ARB2A: variants seen among roughly 807,000 people sequenced by gnomAD.
ARB2A encodes the protein cotranscriptional regulator ARB2A.
At chr5:93,925,332 G>C in the ARB2A span, among the ~76,000 whole-genome samples, 1 of 152,112 alleles carries the variant, frequency 6.6e-6, no homozygotes, top group African/African-American at 2.4e-5. Flanking sequence ...AGATTCTTGA[G>C]AATGAGAAAC....
At chr5:93,757,943 T>A in the ARB2A span, among the ~76,000 whole-genome samples, 2 of 152,108 alleles carry the variant, frequency 1.3e-5, no homozygotes, top group Non-Finnish European at 2.9e-5. Flanking sequence ...ACTTAAAAAA[T>A]ACAGAACCTC....
At chr5:93,973,207 C>A in the ARB2A span, among the ~76,000 whole-genome samples, 1 of 151,884 alleles carries the variant, frequency 6.6e-6, no homozygotes, top group Non-Finnish European at 1.5e-5. Flanking sequence ...CCAACTTGGC[C>A]TCCCAGTAGT....
chr5:93,857,518 A>G, the ARB2A span, among the ~76,000 whole-genome samples: 4 of 152,042 alleles, frequency 2.6e-5, no homozygotes, highest in African/African-American at 9.7e-5. Context: ...CCTCGCTGTC[A>G]CTTTCCAGTT....
At chr5:93,642,259 G>T in the ARB2A span, among the ~76,000 whole-genome samples, 1 of 151,356 alleles carries the variant, frequency 6.6e-6, no homozygotes, top group African/African-American at 2.4e-5. Context: ...GGAGTGCAGT[G>T]ACACTATCAT....
At chr5:93,920,466 A>G in the ARB2A span, among the ~76,000 whole-genome samples, 1 of 152,148 alleles carries the variant, frequency 6.6e-6, no homozygotes, top group Non-Finnish European at 1.5e-5. Context: ...GAATAAATAT[A>G]TTCAAAAAAT....
the ARB2A span, among the ~76,000 whole-genome samples, chr5:94,082,130 C>G: frequency 2.0e-5 from 3 of 152,184 alleles, no homozygotes; most frequent in African/African-American, 7.2e-5. Context: ...CTAGCTTGTT[C>G]TAGTTCTCTG....
chr5:93,633,059 G>A, the ARB2A span, among the ~76,000 whole-genome samples: 1 of 152,142 alleles, frequency 6.6e-6, no homozygotes, highest in Non-Finnish European at 1.5e-5. Flanking sequence ...CTTCTACTGA[G>A]TTCTTCACTT....
chr5:94,011,765 T>C, the ARB2A span, among the ~76,000 whole-genome samples: 1 of 151,580 alleles, frequency 6.6e-6, no homozygotes, highest in African/African-American at 2.4e-5. Context: ...TGAAGACGTC[T>C]AGTCCAGAGC....
the ARB2A span, among the ~76,000 whole-genome samples, chr5:93,664,349 G>C: frequency 1.3e-5 from 2 of 152,032 alleles, no homozygotes; most frequent in Non-Finnish European, 2.9e-5. Context: ...CCAAAATGCT[G>C]ACATTATAGG....
chr5:94,069,279 A>C, the ARB2A span, among the ~76,000 whole-genome samples: 2 of 152,228 alleles, frequency 1.3e-5, no homozygotes, highest in African/African-American at 4.8e-5. Context: ...CATCTATAAA[A>C]ATCAACTCAA....
At chr5:93,963,728 A>G in the ARB2A span, among the ~76,000 whole-genome samples, 1 of 152,068 alleles carries the variant, frequency 6.6e-6, no homozygotes, top group African/African-American at 2.4e-5. Context: ...CTTATATATC[A>G]TAAAATCATA....
the ARB2A span, among the ~76,000 whole-genome samples, chr5:93,653,351 A>G: frequency 2.0e-5 from 3 of 151,166 alleles, no homozygotes; most frequent in Non-Finnish European, 2.9e-5. Context: ...TACTAAAAAT[A>G]CAAAAAAAAA....
chr5:94,042,754 G>C, the ARB2A span, among the ~76,000 whole-genome samples: 185 of 152,138 alleles, frequency 1.2e-3, no homozygotes, highest in African/African-American at 4.4e-3. Context: ...CTAATTCCAA[G>C]GTAAAATTTG....
chr5:93,746,611 G>A, the ARB2A span, among the ~76,000 whole-genome samples: 1 of 152,106 alleles, frequency 6.6e-6, no homozygotes, highest in African/African-American at 2.4e-5. Flanking sequence ...AAATGCTCAT[G>A]ACACAAATAT....
At chr5:93,811,825 C>T in the ARB2A span, among the ~76,000 whole-genome samples, 1 of 152,134 alleles carries the variant, frequency 6.6e-6, no homozygotes, top group Admixed American at 6.5e-5. Context: ...AAGGATGATG[C>T]CACTGCCTTC....
the ARB2A span, among the ~76,000 whole-genome samples, chr5:93,943,744 G>A: frequency 6.6e-6 from 1 of 152,010 alleles, no homozygotes; most frequent in Non-Finnish European, 1.5e-5. Context: ...GTTTATTACT[G>A]AAATTACTGA....
chr5:94,015,963 G>A, the ARB2A span, among the ~76,000 whole-genome samples: 1 of 152,018 alleles, frequency 6.6e-6, no homozygotes, highest in Non-Finnish European at 1.5e-5. Context: ...TGAATGTAAC[G>A]AACACAATTC....
the ARB2A span, among the ~76,000 whole-genome samples, chr5:93,761,918 C>T: frequency 6.6e-6 from 1 of 152,218 alleles, no homozygotes; most frequent in African/African-American, 2.4e-5. Flanking sequence ...TGTTCTGCAG[C>T]CTCTGCTGCT....
chr5:93,727,412 T>A, the ARB2A span, among the ~76,000 whole-genome samples: 3 of 152,070 alleles, frequency 2.0e-5, no homozygotes, highest in African/African-American at 7.2e-5. Flanking sequence ...AAACAACTCA[T>A]CTGGCATTAT....
Sources: gnomAD v4.1 joint callset for allele counts (sites outside exome capture counted in the v4.1 genomes callset) on GRCh38, gnomAD v4.1.1 for gene constraint, MANE v1.5 for transcripts, NCBI Gene and HGNC (gene_info 2026-07-23, HGNC 2026-07-21) for gene names.